The following NKAIN3 variants were observed in gnomAD, a reference collection of about 807,000 sequenced individuals.
NKAIN3 encodes sodium/potassium-transporting ATPase subunit beta-1-interacting protein 3.
In NKAIN3, 25 loss-of-function variants were observed where a neutral mutation model predicts 30.2. That is an observed-to-expected ratio of 0.83 (90% CI 0.60 to 1.16). The LOEUF (loss-of-function observed/expected upper bound fraction) is 1.16. NKAIN3 is among the 50% of genes most tolerant of loss of function. NKAIN3 has a pLI of 0.00. For synonymous variants in NKAIN3, 91 were observed against 89.6 expected (o/e 1.02, Z -0.09); for missense variants, 225 against 254.1 (o/e 0.89, Z 0.78).
chr8:62,317,521 A>T (rs979636727), intron 1 of NKAIN3, among the ~76,000 whole-genome samples: 3 of 152,194 alleles, frequency 2.0e-5, no homozygotes, highest in Non-Finnish European at 2.9e-5. Flanking sequence ...AGCACCATTT[A>T]TTAAATAGGG....
At position 62,726,469 on chromosome 8, in the gene NKAIN3, T is replaced by C. The variant is rs574993631; in HGVS notation, c.274-20463T>C. 1.3e-3 allele frequency among the ~76,000 whole-genome samples: 192 copies of C among 152,200 alleles called. 1 individual carries two copies. Among genetic ancestry groups the C allele is most frequent in the Middle Eastern group, 3.4e-3 (1 of 294 alleles). ...TTTTCTTAACGTTGACGTATGTTTC[T>C]TCTTTACCCAATTTTTAGAGGATTC... On this transcript the variant is annotated intron_variant, in intron 3 of 6. Transcript: ENST00000623646.
chr8:62,436,550 G>T (rs79114632), intron 1 of NKAIN3, among the ~76,000 whole-genome samples: 2,182 of 152,114 alleles, frequency 0.014, 23 homozygotes, highest in Middle Eastern at 0.044. Flanking sequence ...CATTAACTGT[G>T]GATAGATATC....
intron 4 of NKAIN3, among the ~76,000 whole-genome samples, chr8:62,888,186 T>C (rs1243550675): frequency 2.6e-5 from 4 of 152,212 alleles, no homozygotes; most frequent in African/African-American, 9.6e-5. Context: ...TTTCCCCAGG[T>C]CATTAGGTTC....
At chr8:62,951,123 A>G (rs975285386) in intron 5 of NKAIN3, among the ~76,000 whole-genome samples, 1 of 152,042 alleles carries the variant, frequency 6.6e-6, no homozygotes, top group Non-Finnish European at 1.5e-5. Flanking sequence ...CTTGGATAGG[A>G]GTAGTGGAGA....
At chr8:62,599,408 A>G (rs973128683) in intron 3 of NKAIN3, among the ~76,000 whole-genome samples, 3 of 152,092 alleles carry the variant, frequency 2.0e-5, no homozygotes, top group Non-Finnish European at 4.4e-5. Flanking sequence ...CTGTTCTGCA[A>G]AATGAAGAAA....
At chr8:62,627,788 A>T (rs1343834085) in intron 3 of NKAIN3, among the ~76,000 whole-genome samples, 2 of 152,130 alleles carry the variant, frequency 1.3e-5, no homozygotes, top group African/African-American at 4.8e-5. Flanking sequence ...TGAAGGAAAG[A>T]CCAATGTGGT....
chr8:62,469,172 T>C (rs1806249444), intron 1 of NKAIN3, among the ~76,000 whole-genome samples: 1 of 152,220 alleles, frequency 6.6e-6, no homozygotes, highest in Admixed American at 6.5e-5. Flanking sequence ...GATTAGAGTT[T>C]AGTGTCATGC....
chr8:62,789,312 C>T (rs866509914), intron 4 of NKAIN3, among the ~76,000 whole-genome samples: 1 of 151,980 alleles, frequency 6.6e-6, no homozygotes, highest in Admixed American at 6.6e-5. Flanking sequence ...ATGGGAGTTC[C>T]CTCATGATTT....
intron 1 of NKAIN3, among the ~76,000 whole-genome samples, chr8:62,373,748 C>G (rs932653328): frequency 6.6e-6 from 1 of 152,178 alleles, no homozygotes; most frequent in East Asian, 1.9e-4. Context: ...AACAAATGTA[C>G]TTTATTATCA....
intron 1 of NKAIN3, among the ~76,000 whole-genome samples, chr8:62,288,018 C>A (rs996273407): frequency 6.6e-6 from 1 of 152,154 alleles, no homozygotes; most frequent in African/African-American, 2.4e-5. Flanking sequence ...CTGACAATAG[C>A]CTATGAAGGC....
In NKAIN3 at chr8:62,525,748, G is replaced by A. The variant is rs554244499; in HGVS notation, c.55-53791G>A. 2.0e-5 allele frequency among the ~76,000 whole-genome samples: 3 copies of A among 152,132 alleles called. No individual in the cohort carries two copies. The South Asian group carries it at 6.2e-4, about 32-fold the overall frequency. On this transcript the variant is annotated intron_variant, in intron 1 of 6. Transcript: ENST00000623646. ...TAACTGAAAAACAACCCCCAACTTC[G>A]TTACATGAAAGCTGAGGCAAGTTGG...
At chr8:62,612,759 G>T (rs1394823898) in intron 3 of NKAIN3, among the ~76,000 whole-genome samples, 1 of 151,654 alleles carries the variant, frequency 6.6e-6, no homozygotes. Flanking sequence ...TTTCGTTTTA[G>T]TTTTTGTGTA....
chr8:62,697,919 T>G (rs1814217914), intron 3 of NKAIN3, among the ~76,000 whole-genome samples: 1 of 152,254 alleles, frequency 6.6e-6, no homozygotes, highest in African/African-American at 2.4e-5. Flanking sequence ...GAAAATAAGA[T>G]GAAAAGGCAA....
chr8:62,834,855 T>A (rs909936223), intron 4 of NKAIN3, among the ~76,000 whole-genome samples: 4 of 151,826 alleles, frequency 2.6e-5, no homozygotes, highest in African/African-American at 9.7e-5. Context: ...TTTAGAGTAG[T>A]TGGCTTTAAT....
chr8:62,863,148 T>C (rs1820306568), intron 4 of NKAIN3: 10 of 1,502,132 alleles, frequency 6.7e-6, no homozygotes, highest in Middle Eastern at 2.4e-4. Context: ...TGTTTTCTTC[T>C]ATTATTTTCC....
chr8:62,662,690 T>C (rs1338316044), intron 3 of NKAIN3, among the ~76,000 whole-genome samples: 2 of 152,210 alleles, frequency 1.3e-5, no homozygotes, highest in East Asian at 3.8e-4. Context: ...CCAAATTTGT[T>C]TTTATTTCCT....
At chr8:62,334,762 C>T (rs1169215252) in intron 1 of NKAIN3, among the ~76,000 whole-genome samples, 1 of 151,992 alleles carries the variant, frequency 6.6e-6, no homozygotes, top group East Asian at 1.9e-4. Flanking sequence ...TGTGGCATCC[C>T]TGGTGGTATC....
rs1008813990 is a variant in NKAIN3 at position 62,577,675 on chromosome 8, CTAAT to C, written c.55-1861_55-1858del. ...ATTTTTAGAGAAAGGTTCCTGGGGACTAATTAGAGTCACAAGCAGAGACAAGCAG... is the reference window on the plus strand; with the variant it reads ...ATTTTTAGAGAAAGGTTCCTGGGGACTAGAGTCACAAGCAGAGACAAGCAG... On this transcript the variant is annotated intron_variant, in intron 1 of 6. Transcript: ENST00000623646. 1.5e-3 allele frequency among the ~76,000 whole-genome samples: 231 copies of C among 150,442 alleles called. 4 individuals are homozygous for C. The highest frequency in any genetic ancestry group is 4.4e-5 in the Non-Finnish European group (3 of 67,734).
chr8:62,935,123 T>C (rs1822744070), intron 5 of NKAIN3, among the ~76,000 whole-genome samples: 1 of 152,120 alleles, frequency 6.6e-6, no homozygotes, highest in Non-Finnish European at 1.5e-5. Context: ...TAATGAATTT[T>C]CCCTTCCAAA....
Sources: gnomAD v4.1 joint callset for allele counts (sites outside exome capture counted in the v4.1 genomes callset) on GRCh38, gnomAD v4.1.1 for gene constraint, MANE v1.5 for transcripts, NCBI Gene and HGNC (gene_info 2026-07-23, HGNC 2026-07-21) for gene names.